The following CHRDL2 variants were observed in gnomAD, a reference collection of about 807,000 sequenced individuals.
The protein encoded by CHRDL2 is chordin like 2, also known as chordin-like protein 2.
Under a neutral mutation model 54.3 loss-of-function variants are expected in CHRDL2, and 41 were observed. The observed-to-expected ratio is 0.76, with a 90% confidence interval of 0.59 to 0.98. CHRDL2 has a LOEUF of 0.98. Ranked by LOEUF, CHRDL2 falls within the 50% of genes least tolerant of loss-of-function variation. The pLI is 0.00. For missense variants in CHRDL2, 518 were observed against 562.4 expected (o/e 0.92, Z 0.80); for synonymous variants, 220 against 224.3 (o/e 0.98, Z 0.17).
chr11:74,726,163 G>C (rs1350534590), intron 1 of CHRDL2, among the ~76,000 whole-genome samples: 1 of 152,204 alleles, frequency 6.6e-6, no homozygotes, highest in African/African-American at 2.4e-5. Flanking sequence ...TCTGTTACCT[G>C]TTAAAGGGCA....
intron 1 of CHRDL2, among the ~76,000 whole-genome samples, chr11:74,721,036 C>T (rs983462437): frequency 2.0e-5 from 3 of 152,192 alleles, no homozygotes; most frequent in African/African-American, 4.8e-5. Flanking sequence ...TTCCCAACTC[C>T]GCAAAGTGGA....
intron 2 of CHRDL2, among the ~76,000 whole-genome samples, chr11:74,715,675 T>A (rs1456472114): frequency 6.7e-6 from 1 of 150,092 alleles, no homozygotes; most frequent in African/African-American, 2.5e-5. Context: ...ATGTTAAATT[T>A]ATGATATATA....
In CHRDL2 at chr11:74,698,230, A is replaced by ATTTT. The variant is rs10669554; in HGVS notation, c.1121-937_1121-934dup. 182 of 134,244 alleles carry ATTTT rather than the reference A, an allele frequency of 1.4e-3. 2 individuals carry two copies. The highest frequency in any genetic ancestry group is 6.1e-3 in the South Asian group (25 of 4,100). 8.3% of individuals were successfully genotyped at this position (134,244 alleles called of 1,614,324 possible). A position where few individuals can be genotyped will look rare whatever the true frequency, so the allele number is the denominator to read the frequency against. On this transcript the variant is annotated intron_variant, in intron 9 of 10. Coordinates refer to ENST00000376332, the MANE Select transcript of CHRDL2 (RefSeq NM_001278473.3). Reference sequence around the variant, plus strand: ...AGGTGCCCGCCACCACACCTGGCTAATTTTTTTTTTTTTTTGTATTTTTAG... The same window carrying ATTTT: ...AGGTGCCCGCCACCACACCTGGCTAATTTTTTTTTTTTTTTTTTTGTATTTTTAG...
chr11:74,700,952 G>A (rs977716921), intron 9 of CHRDL2: 2 of 152,080 alleles, frequency 1.3e-5, no homozygotes, highest in Admixed American at 6.6e-5. Context: ...GAATCTTAAG[G>A]CTCAAAAAAT....
At chr11:74,730,058 C>T (rs557449661) in intron 1 of CHRDL2, among the ~76,000 whole-genome samples, 4 of 152,234 alleles carry the variant, frequency 2.6e-5, no homozygotes, top group South Asian at 2.1e-4. Context: ...TTTTTACTTC[C>T]GCTTTATAGA....
At position 74,697,346 on chromosome 11, in the gene CHRDL2, C is replaced by T. The variant is rs753571931; in HGVS notation, c.1121-49G>A. On this transcript the variant is annotated intron_variant, in intron 9 of 10. Coordinates refer to ENST00000376332, the MANE Select transcript of CHRDL2 (RefSeq NM_001278473.3). ...AGCAGGCAAGGCAAAAACCTACAGTCGGTGAAAAGTGAAACAGGGTGACTT... is the reference window on the plus strand; with the variant it reads ...AGCAGGCAAGGCAAAAACCTACAGTTGGTGAAAAGTGAAACAGGGTGACTT... The T allele has an allele frequency of 4.2e-5, 59 of 1,388,806 alleles. No individual in the cohort carries two copies. The Admixed American group carries it at 5.0e-4, about 12-fold the overall frequency. 86.0% of individuals were successfully genotyped at this position (1,388,806 alleles called of 1,614,324 possible). A position where few individuals can be genotyped will look rare whatever the true frequency, so the allele number is the denominator to read the frequency against.
At chr11:74,696,860 A>C (rs1476142757) in intron 10 of CHRDL2, among the ~76,000 whole-genome samples, 1 of 152,066 alleles carries the variant, frequency 6.6e-6, no homozygotes, top group African/African-American at 2.4e-5. Flanking sequence ...CTGAAACCCC[A>C]CCTGGGTCCA....
At chr11:74,697,387 CA>C in intron 9 of CHRDL2, 90 bp from the exon 10 acceptor site, 1 of 837,398 alleles carries the variant, frequency 1.2e-6, no homozygotes. Context: ...AGAACGGACC[CA>C]ATCACTCCCT....
At chr11:74,727,082 C>G (rs2034584268) in intron 1 of CHRDL2, among the ~76,000 whole-genome samples, 1 of 152,218 alleles carries the variant, frequency 6.6e-6, no homozygotes, top group Non-Finnish European at 1.5e-5. Flanking sequence ...GCAACCACAC[C>G]TTTGGGTTTT....
intron 1 of CHRDL2, among the ~76,000 whole-genome samples, 178 bp downstream of exon 1, chr11:74,730,629 T>A (rs1171741240): frequency 2.6e-5 from 4 of 152,186 alleles, no homozygotes; most frequent in Non-Finnish European, 5.9e-5. Flanking sequence ...AGTTCTGAGT[T>A]GTGCCGAGTT....
chr11:74,704,530 C>A lies in CHRDL2; in HGVS notation c.707G>T (p.Gly236Val). The A allele has an allele frequency of 6.3e-7, 1 of 1,585,258 alleles. No individual in the cohort carries two copies. The highest frequency in any genetic ancestry group is 1.9e-5 in the Admixed American group (1 of 52,636). The change falls in exon 7 of 11, where the codon GGC (glycine) becomes GTC (valine). Residue 236 changes from glycine to valine, a missense_variant. Gly to Val is a moderately radical substitution (Grantham distance 109). Transcript: ENST00000376332. The part of the protein sequence containing the change: ...IPRHFRPKGA[G>V]STTVKIVLKE... ...CAGGACGATCTTGACAGTTGTGCTG[C>A]CTGCTCCCTTGGGTCTGAAGTGGCG... is the stretch of plus-strand genomic sequence containing the variant.
At chr11:74,704,079 T>C (rs959461874) in intron 7 of CHRDL2, among the ~76,000 whole-genome samples, 3 of 152,214 alleles carry the variant, frequency 2.0e-5, no homozygotes, top group Non-Finnish European at 2.9e-5. Context: ...CTCAGCACAC[T>C]TCCTTATATT....
intron 10 of CHRDL2, 123 bp from the exon 11 acceptor site, chr11:74,696,708 C>T (rs902989452): frequency 1.3e-5 from 9 of 704,090 alleles, no homozygotes; most frequent in Non-Finnish European, 2.3e-5. Context: ...GGTTTGGAGC[C>T]CACAGGGAGC....
In CHRDL2 at chr11:74,702,794, C is replaced by A. The variant is rs750300853; in HGVS notation, c.1120G>T (p.Gly374Ter). The change falls in exon 9 of 11, where the codon GGA becomes TGA. Residue 374 changes from glycine to a stop codon, truncating the protein, a stop_gained and splice_region_variant. Coordinates refer to ENST00000376332, the MANE Select transcript of CHRDL2 (RefSeq NM_001278473.3). LOFTEE classifies it high-confidence loss of function. ...CCACTGGGAGTGGGCCAGCACTCAC[C>A]TTTTACCAGCTTCCAGAGGTAGATC... ...VEIYLWKLVK[G>*]IFHLTQIKKV... 1.1e-5 allele frequency: 17 copies of A among 1,613,898 alleles called. No homozygotes were observed. In the Admixed American group the frequency reaches 2.8e-4, roughly 27 times the overall value.
chr11:74,730,763 G>A (rs755144930), intron 1 of CHRDL2, 44 bp downstream of exon 1: 1 of 1,535,926 alleles, frequency 6.5e-7, no homozygotes, highest in Non-Finnish European at 8.9e-7. Context: ...ACATTCCAGG[G>A]GCCGCATCCC....
chr11:74,709,697 A>G (rs1287347518), intron 4 of CHRDL2, among the ~76,000 whole-genome samples: 1 of 152,232 alleles, frequency 6.6e-6, no homozygotes, highest in Non-Finnish European at 1.5e-5. Context: ...GGCAGGCCCA[A>G]AAGAAGTGAC....
At chr11:74,697,025 C>G (rs528943590) in intron 10 of CHRDL2, among the ~76,000 whole-genome samples, 180 bp downstream of exon 10, 1 of 152,218 alleles carries the variant, frequency 6.6e-6, no homozygotes, top group Non-Finnish European at 1.5e-5. Flanking sequence ...TTCACCTTCC[C>G]GCTCTGGAGT....
At chr11:74,713,270 A>G in intron 3 of CHRDL2, 116 bp downstream of exon 3, 5 of 842,298 alleles carry the variant, frequency 5.9e-6, no homozygotes, top group South Asian at 1.7e-5. Context: ...TTGTGTGTCT[A>G]CACCTCTGAT....
intron 9 of CHRDL2, among the ~76,000 whole-genome samples, chr11:74,702,205 C>T (rs373497753): frequency 1.1e-4 from 17 of 151,274 alleles, no homozygotes; most frequent in South Asian, 2.1e-4. Context: ...GCAGTGGAGC[C>T]GAGATCATGC....
Sources: gnomAD v4.1 joint callset for allele counts (sites outside exome capture counted in the v4.1 genomes callset) on GRCh38, gnomAD v4.1.1 for gene constraint, MANE v1.5 for transcripts, NCBI Gene and HGNC (gene_info 2026-07-23, HGNC 2026-07-21) for gene names.